ZSCAN25: variants seen among roughly 807,000 people sequenced by gnomAD.
The protein encoded by ZSCAN25 is zinc finger and SCAN domain-containing protein 25.
Under a neutral mutation model 38.7 loss-of-function variants are expected in ZSCAN25, and 27 were observed. The ratio of observed to expected loss-of-function variants is 0.70; its 90% confidence interval spans 0.51 to 0.96. The LOEUF (loss-of-function observed/expected upper bound fraction) is 0.96. ZSCAN25 is among the 40% of genes least tolerant of loss of function. ZSCAN25 has a pLI of 0.00. For synonymous variants in ZSCAN25, 273 were observed against 277.7 expected (o/e 0.98, Z 0.17); for missense variants, 637 against 705.9 (o/e 0.90, Z 1.11).
the ZSCAN25 span, among the ~76,000 whole-genome samples, chr7:99,655,474 T>TA: frequency 6.6e-6 from 1 of 152,228 alleles, no homozygotes; most frequent in South Asian, 2.1e-4. Flanking sequence ...CTGTTTTGGT[T>TA]ACTGTAGCCT....
chr7:99,717,131 A>G, the ZSCAN25 span: 1 of 1,610,504 alleles, frequency 6.2e-7, no homozygotes, highest in Non-Finnish European at 8.5e-7. Flanking sequence ...AGGCAGCTGG[A>G]GGGGCTCATG....
rs775925677 is a variant in ZSCAN25 at position 99,624,089 on chromosome 7, C to T, written c.714C>T (p.Ala238=). 5.0e-6 allele frequency: 8 copies of T among 1,614,066 alleles called. 1 individual carries two copies. The South Asian group carries it at 5.5e-5, about 11-fold the overall frequency. The stretch of plus-strand genomic sequence containing the variant: ...GGCCATTTAAAGATATGGCCCTGGC[C>T]TTCCCTGAGGAGGAGTGGAGGCATG... The part of the protein sequence containing the change: ...GLGPFKDMAL[A]FPEEEWRHVT... The change falls in exon 7 of 8, where the codon GCC becomes GCT. Residue 238 remains alanine, a synonymous_variant. Coordinates refer to ENST00000394152, the MANE Select transcript of ZSCAN25 (RefSeq NM_145115.3).
the ZSCAN25 span, among the ~76,000 whole-genome samples, chr7:99,669,282 A>G: frequency 2.0e-5 from 3 of 152,230 alleles, no homozygotes; most frequent in African/African-American, 7.2e-5. Flanking sequence ...ATTATATGCA[A>G]AAACGTGCTG....
At chr7:99,725,250 G>A in the ZSCAN25 span, among the ~76,000 whole-genome samples, 22 of 152,210 alleles carry the variant, frequency 1.4e-4, no homozygotes, top group East Asian at 2.9e-3. Flanking sequence ...CCAGAAGGCC[G>A]CCTTATCCTT....
chr7:99,647,391 G>A, the ZSCAN25 span: 23 of 705,260 alleles, frequency 3.3e-5, no homozygotes, highest in Non-Finnish European at 3.8e-5. Context: ...GAGGGAAAAT[G>A]AAAGAATAAA....
chr7:99,675,626 T>TCTCTC, the ZSCAN25 span, among the ~76,000 whole-genome samples: 79 of 654 alleles, frequency 0.12, 34 homozygotes, highest in Non-Finnish European at 0.2. Flanking sequence ...CCTCTCCTTT[T>TCTCTC]CTCTCCTCTC....
chr7:99,621,557 G>A lies in ZSCAN25; in HGVS notation c.572G>A (p.Arg191Gln), dbSNP rs377391758. 4.5e-5 allele frequency: 67 copies of A among 1,474,546 alleles called. No homozygotes were observed. The highest frequency in any genetic ancestry group is 2.0e-4 in the Middle Eastern group (1 of 4,898). 91.3% of individuals were successfully genotyped at this position (1,474,546 alleles called of 1,614,324 possible). A position where few individuals can be genotyped will look rare whatever the true frequency, so the allele number is the denominator to read the frequency against. The change falls in exon 5 of 8, where the codon CGG becomes CAG. Residue 191 changes from arginine (R) to glutamine (Q), a missense_variant. Physicochemically the swap from Arg to Gln is conservative, Grantham distance 43 (BLOSUM62 1). Coordinates refer to ENST00000394152, the MANE Select transcript of ZSCAN25 (RefSeq NM_145115.3). ...AGTCAGGACCCTGGAGATGAGACAC[G>A]GGCCTTCCAGGAGCAAGGTGAGTAA... is the stretch of plus-strand genomic sequence containing the variant. The part of the protein sequence containing the change: ...QLSQDPGDET[R>Q]AFQEQALPVL...
chr7:99,711,784 C>CAA, the ZSCAN25 span, among the ~76,000 whole-genome samples: 11 of 151,632 alleles, frequency 7.3e-5, no homozygotes, highest in East Asian at 7.8e-4. Context: ...CAAAACAAAA[C>CAA]AACAACAACA....
At chr7:99,672,601 A>G in the ZSCAN25 span, 2 of 1,614,044 alleles carry the variant, frequency 1.2e-6, no homozygotes, top group East Asian at 2.2e-5. Context: ...TGAAGACAGA[A>G]TAACATTCTT....
intron 7 of ZSCAN25, 32 bp downstream of exon 7, chr7:99,624,212 TG>T (rs774532083): frequency 8.7e-6 from 14 of 1,612,266 alleles, no homozygotes; most frequent in Admixed American, 1.7e-5. Flanking sequence ...GGTGAGGAAC[TG>T]GGGAGTTCTG....
chr7:99,643,922 A>C, the ZSCAN25 span, among the ~76,000 whole-genome samples: 2 of 151,842 alleles, frequency 1.3e-5, no homozygotes. Flanking sequence ...TTCATCTCAG[A>C]TGCTGACCCT....
chr7:99,725,447 C>G, the ZSCAN25 span, among the ~76,000 whole-genome samples: 1 of 152,190 alleles, frequency 6.6e-6, no homozygotes. Context: ...TGTAAGACAA[C>G]CCAAGACCAT....
the ZSCAN25 span, among the ~76,000 whole-genome samples, chr7:99,666,268 A>T: frequency 1.3e-3 from 199 of 152,320 alleles, no homozygotes; most frequent in South Asian, 0.011. Context: ...ATGCTTGCTT[A>T]CCCACAGTTC....
the ZSCAN25 span, among the ~76,000 whole-genome samples, chr7:99,707,110 C>T: frequency 0.012 from 1,789 of 152,162 alleles, 36 homozygotes; most frequent in African/African-American, 0.041. Context: ...AAGATAAGAA[C>T]AGAATGAGGA....
At chr7:99,646,128 TA>T in the ZSCAN25 span, among the ~76,000 whole-genome samples, 3 of 152,152 alleles carry the variant, frequency 2.0e-5, no homozygotes, top group African/African-American at 4.8e-5. Flanking sequence ...ATTTTAGGAT[TA>T]AAAAAATATT....
chr7:99,657,621 C>T, the ZSCAN25 span, among the ~76,000 whole-genome samples: 1 of 152,320 alleles, frequency 6.6e-6, no homozygotes, highest in Admixed American at 6.5e-5. Flanking sequence ...GAGCTGAGTT[C>T]AATTCCTGGA....
At chr7:99,707,744 T>A in the ZSCAN25 span, 3 of 1,593,618 alleles carry the variant, frequency 1.9e-6, no homozygotes, top group Non-Finnish European at 2.6e-6. Flanking sequence ...TATTCTTTTT[T>A]AAATATATAG....
At chr7:99,716,971 G>A in the ZSCAN25 span, among the ~76,000 whole-genome samples, 1 of 152,184 alleles carries the variant, frequency 6.6e-6, no homozygotes, top group Non-Finnish European at 1.5e-5. Flanking sequence ...TGACCTCTGT[G>A]CACAGGGGAG....
the ZSCAN25 span, chr7:99,731,141 C>G: frequency 1.2e-6 from 2 of 1,613,544 alleles, no homozygotes; most frequent in African/African-American, 1.3e-5. Flanking sequence ...TCCATGTGTA[C>G]GGGTTCCATA....
Sources: allele counts gnomAD v4.1 joint callset (sites outside exome capture counted in the v4.1 genomes callset), GRCh38; gene constraint gnomAD v4.1.1; transcripts MANE v1.5; gene names NCBI Gene and HGNC (gene_info 2026-07-23, HGNC 2026-07-21).